Variants in ZNF469 observed in about 807,000 individuals in gnomAD.
ZNF469 encodes the protein zinc finger protein 469.
ZNF469 carries 1 observed loss-of-function variant against 1.0 expected under a neutral mutation model. That is an observed-to-expected ratio of 1.00 (90% confidence interval 0.35 to 4.73). The LOEUF is 4.73. Ranked by LOEUF, ZNF469 falls within the 30% of genes most tolerant of loss-of-function variation. The pLI is 0.16. For synonymous variants in ZNF469, 2,703 were observed against 2,363.4 expected (o/e 1.14, Z -4.17); for missense variants, 6,100 against 5,356.3 (o/e 1.14, Z -4.33).
chr16:88,187,182 G>T, the ZNF469 span, among the ~76,000 whole-genome samples: 4 of 152,028 alleles, frequency 2.6e-5, no homozygotes, highest in Non-Finnish European at 5.9e-5. Flanking sequence ...AGCCCTGAGC[G>T]GGTGGCGCAG....
rs1479797328 is a variant in ZNF469 at position 88,436,383 on chromosome 16, A to G, written c.8913A>G (p.Ala2971=). ...WALEPSREAG[A]EKLPSHCPED... is the part of the protein sequence containing the mutation. ...TGGAGCCCAGCAGGGAAGCTGGTGC[A>G]GAGAAGCTGCCCTCCCACTGCCCCG... Residue 2971 remains alanine, a synonymous_variant, in exon 3 of 3, where the codon GCA becomes GCG. Coordinates refer to ENST00000565624, the MANE Select transcript of ZNF469 (RefSeq NM_001367624.2). 6.5e-7 allele frequency: 1 copy of G among 1,550,058 alleles called. No homozygotes were observed. Among genetic ancestry groups the G allele is most frequent in the Non-Finnish European group, 8.7e-7 (1 of 1,146,924 alleles).
chr16:88,155,714 G>T, the ZNF469 span, among the ~76,000 whole-genome samples: 1 of 152,196 alleles, frequency 6.6e-6, no homozygotes, highest in African/African-American at 2.4e-5. Flanking sequence ...TGGGAATTTA[G>T]GTCGTTTTCA....
the ZNF469 span, among the ~76,000 whole-genome samples, chr16:88,333,848 C>T: frequency 5.0e-5 from 2 of 40,158 alleles, no homozygotes; most frequent in African/African-American, 8.6e-5. Context: ...GTGGGGGGGA[C>T]GTGGGGGCAG....
At chr16:88,413,626 T>C (rs1438001455) in intron 1 of ZNF469, among the ~76,000 whole-genome samples, 1 of 152,178 alleles carries the variant, frequency 6.6e-6, no homozygotes, top group Non-Finnish European at 1.5e-5. Context: ...GGGGCAGCGT[T>C]ATAGCAAGGT....
chr16:88,120,699 G>A, the ZNF469 span, among the ~76,000 whole-genome samples: 1 of 152,238 alleles, frequency 6.6e-6, no homozygotes, highest in Non-Finnish European at 1.5e-5. Flanking sequence ...GACACGTCAG[G>A]ACACGTGGCA....
chr16:88,279,479 G>A, the ZNF469 span, among the ~76,000 whole-genome samples: 3 of 150,742 alleles, frequency 2.0e-5, no homozygotes, highest in Non-Finnish European at 2.9e-5. Flanking sequence ...CGCTCGGTCA[G>A]TACCGTGTAG....
the ZNF469 span, chr16:88,191,813 A>T: frequency 6.6e-6 from 1 of 152,252 alleles, no homozygotes; most frequent in Admixed American, 6.5e-5. Flanking sequence ...TCGGTGGGCT[A>T]TGGTGATGGC....
In ZNF469 at chr16:88,427,390, G is replaced by C; in HGVS notation, c.-81G>C. 3 of 1,368,010 alleles carry C rather than the reference G, an allele frequency of 2.2e-6. No individual in the cohort carries two copies. The highest frequency in any genetic ancestry group is 2.9e-6 in the Non-Finnish European group (3 of 1,040,160). 84.7% of individuals were successfully genotyped at this position (1,368,010 alleles called of 1,614,324 possible). On this transcript the variant is annotated 5_prime_UTR_variant, in exon 3 of 3. Transcript: ENST00000565624. The stretch of plus-strand genomic sequence containing the variant: ...CGCAGGCTTCCCTGGGGCCCATCGA[G>C]GGCTGAGGATGGCCGTCCAGCCCAC...
At chr16:88,327,870 C>A in the ZNF469 span, among the ~76,000 whole-genome samples, 1 of 152,198 alleles carries the variant, frequency 6.6e-6, no homozygotes, top group Non-Finnish European at 1.5e-5. Context: ...GCCCACACAC[C>A]CACCGGAAAC....
chr16:88,250,215 T>G, the ZNF469 span, among the ~76,000 whole-genome samples: 109 of 152,336 alleles, frequency 7.2e-4, no homozygotes, highest in Admixed American at 1.2e-3. Flanking sequence ...GGGACTTCCC[T>G]CTCCTCTTCA....
At chr16:88,263,000 G>C in the ZNF469 span, among the ~76,000 whole-genome samples, 2 of 152,238 alleles carry the variant, frequency 1.3e-5, no homozygotes, top group Non-Finnish European at 2.9e-5. This position sits in a 1 kb window ranked among gnomAD's most constrained non-coding sequence, Gnocchi z 4.3. Context: ...GGGATCGTTC[G>C]CAGAAATGCA....
At chr16:88,300,053 G>A in the ZNF469 span, among the ~76,000 whole-genome samples, 1 of 152,222 alleles carries the variant, frequency 6.6e-6, no homozygotes, top group Non-Finnish European at 1.5e-5. Flanking sequence ...GATGAGGAAG[G>A]AACGGGAGAA....
At chr16:88,347,874 C>A in the ZNF469 span, among the ~76,000 whole-genome samples, 1 of 152,244 alleles carries the variant, frequency 6.6e-6, no homozygotes, top group East Asian at 1.9e-4. Flanking sequence ...GAGAGGTGTG[C>A]AGGGTACAGC....
chr16:88,110,201 C>T, the ZNF469 span, among the ~76,000 whole-genome samples: 27 of 152,304 alleles, frequency 1.8e-4, no homozygotes, highest in African/African-American at 6.5e-4. Context: ...GCCGCCCCAC[C>T]CCAGTACCCG....
At chr16:88,182,422 C>T in the ZNF469 span, among the ~76,000 whole-genome samples, 1 of 151,982 alleles carries the variant, frequency 6.6e-6, no homozygotes, top group Non-Finnish European at 1.5e-5. Context: ...AAATAACTCA[C>T]ACAACTTTGA....
At chr16:88,109,670 T>C in the ZNF469 span, among the ~76,000 whole-genome samples, 1 of 135,046 alleles carries the variant, frequency 7.4e-6, no homozygotes, top group East Asian at 2.3e-4. Flanking sequence ...CTGTCTCCTC[T>C]CCGGGATCAG....
chr16:88,346,609 C>T, the ZNF469 span, among the ~76,000 whole-genome samples: 6 of 152,222 alleles, frequency 3.9e-5, no homozygotes, highest in African/African-American at 1.4e-4. Context: ...GCCTGAACCT[C>T]CAGGCTCAAG....
chr16:88,273,317 G>A, the ZNF469 span, among the ~76,000 whole-genome samples: 8 of 151,712 alleles, frequency 5.3e-5, no homozygotes, highest in Non-Finnish European at 5.9e-5. Context: ...TTACTCTGCA[G>A]TAGTTCCTCA....
chr16:88,432,664 C>A lies in ZNF469; in HGVS notation c.5194C>A (p.Gln1732Lys). ...LPEPSKQPGP[Q>K]LDAGSLAKCS... is the part of the protein sequence containing the mutation. Reference sequence around the variant, plus strand: ...TGAGCCCAGCAAGCAGCCTGGCCCACAGCTGGATGCCGGGAGTTTAGCAAA... The same window carrying A: ...TGAGCCCAGCAAGCAGCCTGGCCCAAAGCTGGATGCCGGGAGTTTAGCAAA... The change falls in exon 3 of 3, where the codon CAG becomes AAG. Residue 1732 changes from glutamine (Q) to lysine (K), a missense_variant. Coordinates refer to ENST00000565624, the MANE Select transcript of ZNF469 (RefSeq NM_001367624.2). 6.4e-7 allele frequency: 1 copy of A among 1,550,450 alleles called. No individual in the cohort carries two copies. The highest frequency in any genetic ancestry group is 8.7e-7 in the Non-Finnish European group (1 of 1,146,996).
Sources: gnomAD v4.1 joint callset for allele counts (sites outside exome capture counted in the v4.1 genomes callset) on GRCh38, gnomAD v4.1.1 for gene constraint, Gnocchi (gnomAD v3.1) non-coding constraint, MANE v1.5 for transcripts, NCBI Gene and HGNC (gene_info 2026-07-23, HGNC 2026-07-21) for gene names.